MYO10: variants seen among roughly 807,000 people sequenced by gnomAD.
MYO10 encodes myosin X.
MYO10 carries 133 observed loss-of-function variants against 257.3 expected under a neutral mutation model. That is an observed-to-expected ratio of 0.52 (90% CI 0.45 to 0.60). The LOEUF (loss-of-function observed/expected upper bound fraction) is 0.60, where lower values mean the gene tolerates loss of function less well. Ranked by LOEUF, MYO10 falls within the 20% of genes least tolerant of loss-of-function variation. MYO10 has a pLI of 0.00. For synonymous variants in MYO10, 1,104 were observed against 1,028.6 expected (o/e 1.07, Z -1.40); for missense variants, 2,399 against 2,635.7 (o/e 0.91, Z 1.97).
intron 3 of MYO10, among the ~76,000 whole-genome samples, chr5:16,799,031 C>T (rs1368556182): frequency 6.6e-6 from 1 of 152,146 alleles, no homozygotes. Context: ...CCATTCATGA[C>T]ACGTTTGTAT....
intron 19 of MYO10, among the ~76,000 whole-genome samples, chr5:16,739,579 CA>C (rs1289599633): frequency 2.0e-5 from 3 of 151,924 alleles, no homozygotes; most frequent in African/African-American, 7.3e-5. Context: ...ATGAAAAATA[CA>C]GTACTATTAT....
chr5:16,932,561 A>G (rs1418222164), intron 1 of MYO10, among the ~76,000 whole-genome samples: 1 of 152,150 alleles, frequency 6.6e-6, no homozygotes, highest in Non-Finnish European at 1.5e-5. Context: ...TGCTGAAAAA[A>G]CAAGCTTCCC....
At chr5:16,905,875 A>C (rs1463131658) in intron 1 of MYO10, among the ~76,000 whole-genome samples, 2 of 152,200 alleles carry the variant, frequency 1.3e-5, no homozygotes, top group African/African-American at 4.8e-5. Context: ...GCTTGTTAAC[A>C]AGGTGACATC....
chr5:16,863,235 G>A (rs978440342), intron 2 of MYO10, among the ~76,000 whole-genome samples: 3 of 152,198 alleles, frequency 2.0e-5, no homozygotes, highest in East Asian at 1.9e-4. Context: ...CTAGAACCTC[G>A]CTGGGCCAGT....
At chr5:16,863,934 C>T (rs1213677476) in intron 2 of MYO10, among the ~76,000 whole-genome samples, 3 of 152,132 alleles carry the variant, frequency 2.0e-5, no homozygotes, top group Non-Finnish European at 4.4e-5. Context: ...TTCATCACTA[C>T]AAAATATACA....
At chr5:16,917,078 A>G (rs1215084309) in intron 1 of MYO10, among the ~76,000 whole-genome samples, 1 of 152,214 alleles carries the variant, frequency 6.6e-6, no homozygotes, top group Non-Finnish European at 1.5e-5. Context: ...CCAACTATTA[A>G]CCAATGCTGC....
Position 16,662,043 on chromosome 5 carries a change from T to C in MYO10, c.*4649A>G, listed in dbSNP as rs1230054351. On this transcript the variant is annotated 3_prime_UTR_variant, in exon 41 of 41. Transcript: ENST00000513610. ...TGCCAAACCTTGAATCCAGGTCCGA[T>C]ATTTTCCAGCAATCGTGATGCTTCT... The C allele has an allele frequency of 6.6e-6, 1 of 152,242 alleles. No homozygotes were observed. The highest frequency in any genetic ancestry group is 1.5e-5 in the Non-Finnish European group (1 of 68,052). 9.4% of individuals were successfully genotyped at this position (152,242 alleles called of 1,614,324 possible). A position where few individuals can be genotyped will look rare whatever the true frequency, so the allele number is the denominator to read the frequency against.
intron 1 of MYO10, among the ~76,000 whole-genome samples, chr5:16,912,848 A>ACACACACACACC (rs1745703835): frequency 6.8e-6 from 1 of 147,624 alleles, no homozygotes; most frequent in African/African-American, 2.5e-5. Flanking sequence ...ACACACACAC[A>ACACACACACACC]CCATGGTACC....
rs571440642 is a variant in MYO10, at chr5:16,781,537, GA to G, written c.727+167del. Among the ~76,000 whole-genome samples, 22 of 152,188 alleles carry G rather than the reference GA, an allele frequency of 1.4e-4. No homozygotes were observed. In the South Asian group the frequency reaches 4.1e-3, roughly 29 times the overall value. On this transcript the variant is annotated intron_variant, in intron 6 of 40. Coordinates refer to ENST00000513610, the MANE Select transcript of MYO10 (RefSeq NM_012334.3). ...GCACATGTACCATGTCCATCTCATA[GA>G]AAAAATTAACAGGTATACTAACATT... is the stretch of plus-strand genomic sequence containing the variant.
intron 2 of MYO10, among the ~76,000 whole-genome samples, chr5:16,853,491 T>C (rs181050908): frequency 6.6e-6 from 1 of 152,338 alleles, no homozygotes; most frequent in Admixed American, 6.5e-5. Context: ...CAAAGCCACC[T>C]GCAGTGGTCA....
intron 1 of MYO10, among the ~76,000 whole-genome samples, chr5:16,935,078 G>A (rs1746397546): frequency 2.0e-5 from 3 of 152,186 alleles, no homozygotes; most frequent in Admixed American, 2.0e-4. Context: ...CTCAAGTTAA[G>A]TTTCAGTGTC....
At chr5:16,852,235 TA>T (rs59699107) in intron 2 of MYO10, among the ~76,000 whole-genome samples, 1,810 of 132,876 alleles carry the variant, frequency 0.014, 44 homozygotes, top group African/African-American at 0.04. Flanking sequence ...GAGTACAGGC[TA>T]AAAAAAAAAA....
Position 16,766,079 on chromosome 5 carries a change from C to T in MYO10, c.1179+1G>A, listed in dbSNP as rs1740853007. The T allele has an allele frequency of 6.3e-7, 1 of 1,597,466 alleles. No individual in the cohort carries two copies. The highest frequency in any genetic ancestry group is 8.6e-7 in the Non-Finnish European group (1 of 1,165,182). ...AAGATCAGATGGCAAAGCGTGTGTACCTGTTGAACATTGAGAGGCGTGAGG... is the reference window on the plus strand; with the variant it reads ...AAGATCAGATGGCAAAGCGTGTGTATCTGTTGAACATTGAGAGGCGTGAGG... On this transcript the variant is annotated splice_donor_variant, in intron 11 of 40. Coordinates refer to ENST00000513610, the MANE Select transcript of MYO10 (RefSeq NM_012334.3). LOFTEE classifies it high-confidence loss of function.
chr5:16,672,956 C>A (rs922998177), intron 36 of MYO10, 131 bp from the exon 37 acceptor site: 3 of 1,001,714 alleles, frequency 3.0e-6, no homozygotes, highest in African/African-American at 3.3e-5. Context: ...AAAAATGTTA[C>A]CCGTGTGGTC....
intron 2 of MYO10, among the ~76,000 whole-genome samples, chr5:16,834,243 C>T (rs1199849082): frequency 1.3e-5 from 2 of 152,170 alleles, no homozygotes; most frequent in Admixed American, 1.3e-4. Flanking sequence ...AGGTCACTTA[C>T]ATTCTATTGT....
chr5:16,844,011 G>T (rs1743558793), intron 2 of MYO10, among the ~76,000 whole-genome samples: 2 of 152,100 alleles, frequency 1.3e-5, no homozygotes, highest in South Asian at 4.1e-4. Context: ...CGCTGCAAGT[G>T]GGGGAAAACA....
At chr5:16,696,855 CAAA>C (rs11284007) in intron 26 of MYO10, among the ~76,000 whole-genome samples, 24 of 99,108 alleles carry the variant, frequency 2.4e-4, no homozygotes, top group Admixed American at 4.4e-4. Context: ...GACTCTGTCT[CAAA>C]AAAAAAAAAA....
chr5:16,794,582 G>T, intron 4 of MYO10, 64 bp downstream of exon 4: 1 of 1,462,400 alleles, frequency 6.8e-7, no homozygotes, highest in South Asian at 1.4e-5. Context: ...GGAGGCTGGG[G>T]TTGGGGGTGC....
chr5:16,685,699 CT>C (rs1169026124), intron 29 of MYO10, 38 bp downstream of exon 29: 2 of 1,403,828 alleles, frequency 1.4e-6, no homozygotes, highest in Non-Finnish European at 9.8e-7. Flanking sequence ...GTCCCTGCCC[CT>C]AGACGCCCCA....
Sources: allele counts gnomAD v4.1 joint callset (sites outside exome capture counted in the v4.1 genomes callset), GRCh38; gene constraint gnomAD v4.1.1; transcripts MANE v1.5; gene names NCBI Gene and HGNC (gene_info 2026-07-23, HGNC 2026-07-21).